Variants in FLT3 observed in about 807,000 individuals in gnomAD.
FLT3 encodes the protein fms related receptor tyrosine kinase 3.
Under a neutral mutation model 126.6 loss-of-function variants are expected in FLT3, and 46 were observed. The ratio of observed to expected loss-of-function variants is 0.36; its 90% CI spans 0.29 to 0.46. The LOEUF (loss-of-function observed/expected upper bound fraction) is 0.46, where lower values mean the gene tolerates loss of function less well. Among genes scored for constraint, FLT3 ranks in the 20% least tolerant of loss-of-function variants. The probability of loss-of-function intolerance (pLI) is 1.00; values close to 1 mark genes in which losing one functional copy is unlikely to be tolerated. For missense variants in FLT3, 1,069 were observed against 1,190.3 expected (o/e 0.90, Z 1.50); for synonymous variants, 404 against 434.4 (o/e 0.93, Z 0.87).
In FLT3 at chr13:28,037,185, T is replaced by C. The variant is rs1873911677; in HGVS notation, c.1309A>G (p.Arg437Gly). 6.6e-7 allele frequency: 1 copy of C among 1,516,170 alleles called. No individual in the cohort carries two copies. The highest frequency in any genetic ancestry group is 1.4e-5 in the African/African-American group (1 of 72,870). The allele number at this position is 1,516,170 out of a possible 1,614,324, so 93.9% of individuals were successfully genotyped here. The change falls in exon 10 of 24, where the codon AGG becomes GGG. Residue 437 changes from arginine (R) to glycine (G), a missense_variant and splice_region_variant. Arg to Gly is a moderately radical substitution (Grantham distance 125). Coordinates refer to ENST00000241453, the MANE Select transcript of FLT3 (RefSeq NM_004119.3). ...FTKMFTLNIR[R>G]KPQVLAEASA... ...TCAAATTCTCGGCAATTTAACTTAC[T>C]TCTTATATTCAGCGTGAACATTTTG...
chr13:28,042,078 G>A (rs974594510), intron 9 of FLT3, among the ~76,000 whole-genome samples: 3 of 151,086 alleles, frequency 2.0e-5, no homozygotes, highest in Non-Finnish European at 2.9e-5. Flanking sequence ...CGCTTGAGGT[G>A]GAGGATGCAG....
chr13:28,074,729 C>T (rs1406727288), intron 1 of FLT3, among the ~76,000 whole-genome samples: 1 of 152,144 alleles, frequency 6.6e-6, no homozygotes, highest in Non-Finnish European at 1.5e-5. Flanking sequence ...CGGCCTTGAC[C>T]TCCTGGGCTC....
At chr13:28,046,305 G>C (rs1214921625) in intron 9 of FLT3, among the ~76,000 whole-genome samples, 1 of 152,122 alleles carries the variant, frequency 6.6e-6, no homozygotes, top group Non-Finnish European at 1.5e-5. Context: ...CCCAACAAGG[G>C]ACTTTTAGTA....
chr13:28,041,070 C>T (rs1874335555), intron 9 of FLT3, among the ~76,000 whole-genome samples: 1 of 152,010 alleles, frequency 6.6e-6, no homozygotes, highest in Non-Finnish European at 1.5e-5. Context: ...TTATCCTGAC[C>T]TATTTCTGGA....
Position 28,004,099 on chromosome 13 carries a change from T to A in FLT3, c.2935A>T (p.Met979Leu), listed in dbSNP as rs1179709348. Residue 979 changes from methionine (M) to leucine (L), a missense_variant, in exon 24 of 24, where the codon ATG becomes TTG. Coordinates refer to ENST00000241453, the MANE Select transcript of FLT3 (RefSeq NM_004119.3). ...YQNRRPFSRE[M>L]DLGLLSPQAQ... ...TGCGGAGAGAGTAGCCCCAAATCCATCTCTCTGCTGAAAGGTCGCCTGTTT... is the reference window on the plus strand; with the variant it reads ...TGCGGAGAGAGTAGCCCCAAATCCAACTCTCTGCTGAAAGGTCGCCTGTTT... 6.2e-7 allele frequency: 1 copy of A among 1,613,900 alleles called. No individual in the cohort carries two copies. Among genetic ancestry groups the A allele is most frequent in the African/African-American group, 1.3e-5 (1 of 74,874 alleles).
intron 3 of FLT3, among the ~76,000 whole-genome samples, chr13:28,057,816 G>C (rs1436925411): frequency 6.6e-6 from 1 of 152,176 alleles, no homozygotes. Flanking sequence ...GAGGCAGGCA[G>C]ATCACCTGAG....
intron 4 of FLT3, among the ~76,000 whole-genome samples, chr13:28,054,079 T>C (rs779170558): frequency 1.3e-5 from 2 of 152,160 alleles, no homozygotes; most frequent in Non-Finnish European, 2.9e-5. Flanking sequence ...GGCATGTGTA[T>C]AACAGTTTCC....
At chr13:28,050,512 A>G (rs926702221) in intron 5 of FLT3, among the ~76,000 whole-genome samples, 1 of 152,218 alleles carries the variant, frequency 6.6e-6, no homozygotes, top group South Asian at 2.1e-4. Flanking sequence ...AAAGACAGGG[A>G]AAGAAAGGGA....
intron 2 of FLT3, among the ~76,000 whole-genome samples, chr13:28,066,911 G>A (rs1331152025): frequency 1.3e-5 from 2 of 152,228 alleles, no homozygotes; most frequent in Admixed American, 1.3e-4. Context: ...ACTTTGCAGT[G>A]GGGATACCTG....
intron 3 of FLT3, among the ~76,000 whole-genome samples, chr13:28,058,862 G>A (rs1018426343): frequency 5.9e-5 from 9 of 152,114 alleles, no homozygotes; most frequent in African/African-American, 1.9e-4. Flanking sequence ...TGAACCATTC[G>A]CCTGGCATGA....
At chr13:28,021,434 T>C (rs1872375462) in intron 19 of FLT3, among the ~76,000 whole-genome samples, 1 of 152,074 alleles carries the variant, frequency 6.6e-6, no homozygotes, top group Non-Finnish European at 1.5e-5. Context: ...TGTAGTTGTA[T>C]AAGTGAAATA....
At chr13:28,009,711 C>A (rs758661597) in intron 23 of FLT3, among the ~76,000 whole-genome samples, 1 of 152,090 alleles carries the variant, frequency 6.6e-6, no homozygotes. Context: ...CAGGAATGCA[C>A]CACCACGCCT....
intron 8 of FLT3, 99 bp downstream of exon 8, chr13:28,049,285 T>G (rs1351411964): frequency 9.4e-7 from 1 of 1,062,684 alleles, no homozygotes; most frequent in African/African-American, 1.6e-5. Context: ...TGTTTGATAG[T>G]AGCATTATAT....
intron 1 of FLT3, among the ~76,000 whole-genome samples, chr13:28,088,745 C>A (rs929748915): frequency 4.0e-5 from 6 of 151,600 alleles, no homozygotes; most frequent in Non-Finnish European, 8.8e-5. Flanking sequence ...CCACCACGCC[C>A]AGCTAATTTT....
intron 15 of FLT3, among the ~76,000 whole-genome samples, chr13:28,031,160 G>A (rs754070262): frequency 3.9e-5 from 6 of 152,050 alleles, no homozygotes; most frequent in South Asian, 2.1e-4. Context: ...CCCAGGAGGC[G>A]GAGCTTACAG....
chr13:28,027,898 C>T (rs1398650031), intron 16 of FLT3, among the ~76,000 whole-genome samples: 1 of 152,206 alleles, frequency 6.6e-6, no homozygotes, highest in Non-Finnish European at 1.5e-5. Flanking sequence ...AGCACAGACA[C>T]CACCAAATGT....
intron 21 of FLT3, 37 bp from the exon 22 acceptor site, chr13:28,015,293 A>G: frequency 1.5e-6 from 2 of 1,293,750 alleles, no homozygotes. Flanking sequence ...CCATTCATCC[A>G]TTTCTTCATT....
chr13:28,077,172 C>T, intron 1 of FLT3, among the ~76,000 whole-genome samples: 1 of 152,058 alleles, frequency 6.6e-6, no homozygotes, highest in East Asian at 1.9e-4. Context: ...TTTTATTTGG[C>T]TCACAGTTAC....
intron 15 of FLT3, among the ~76,000 whole-genome samples, chr13:28,029,416 AAAAC>A (rs1462432887): frequency 2.8e-5 from 4 of 142,854 alleles, no homozygotes; most frequent in Non-Finnish European, 6.0e-5. Context: ...AAAACAAAAC[AAAAC>A]AAAGACTATA....
Sources: gnomAD v4.1 joint callset for allele counts (sites outside exome capture counted in the v4.1 genomes callset) on GRCh38, gnomAD v4.1.1 for gene constraint, MANE v1.5 for transcripts, NCBI Gene and HGNC (gene_info 2026-07-23, HGNC 2026-07-21) for gene names.